TUBB8B: variants seen among roughly 807,000 people sequenced by gnomAD.
TUBB8B encodes HSA18p11 beta-tubulin 4Q pseudogene.
In TUBB8B, 26 loss-of-function variants were observed where a neutral mutation model predicts 31.9. The ratio of observed to expected loss-of-function variants is 0.81; its 90% CI spans 0.60 to 1.13. TUBB8B has a LOEUF of 1.13. TUBB8B is among the 50% of genes most tolerant of loss of function. The pLI is 0.00. For synonymous variants in TUBB8B, 173 were observed against 231.0 expected, an observed-to-expected ratio of 0.75 and a Z score of 2.28; for missense variants, 467 against 586.7, an observed-to-expected ratio of 0.80 and a Z score of 2.11.
chr18:70,529 C>T, the TUBB8B span, among the ~76,000 whole-genome samples: 588 of 151,952 alleles, frequency 3.9e-3, no homozygotes, highest in African/African-American at 0.014. Flanking sequence ...CCAGCTACTT[C>T]GGGGCTGAGG....
chr18:58,201 T>C, the TUBB8B span, among the ~76,000 whole-genome samples: 4 of 151,604 alleles, frequency 2.6e-5, no homozygotes, highest in African/African-American at 9.7e-5. Context: ...AAGTGATTGC[T>C]CCACAGGCTG....
the TUBB8B span, among the ~76,000 whole-genome samples, chr18:56,067 C>T: frequency 6.6e-6 from 1 of 151,738 alleles, no homozygotes; most frequent in Non-Finnish European, 1.5e-5. Flanking sequence ...CCAGTTTTCC[C>T]AGCCCTATTT....
the TUBB8B span, among the ~76,000 whole-genome samples, chr18:69,034 C>T: frequency 6.6e-6 from 1 of 152,182 alleles, no homozygotes; most frequent in African/African-American, 2.4e-5. Context: ...AAGAACAAAA[C>T]ATAATTATTT....
In TUBB8B at chr18:47,821, C is replaced by G. The variant is rs747790884; in HGVS notation, c.904G>C (p.Ala302Pro). The G allele has an allele frequency of 8.7e-6, 14 of 1,611,568 alleles. No individual in the cohort carries two copies. Among genetic ancestry groups the G allele is most frequent in the Admixed American group, 5.0e-5 (3 of 59,980 alleles). Residue 302 changes from alanine to proline, a missense_variant, in exon 4 of 4, where the codon GCC (alanine) becomes CCC (proline). Coordinates refer to ENST00000308911, the MANE Select transcript of TUBB8B (RefSeq NM_001358689.2). ...QMFDAKNMMAACDPRHGCYLT... is the reference protein window; with the variant it reads ...QMFDAKNMMAPCDPRHGCYLT... ...TAGCAGCCGTGACGGGGGTCACAGG[C>G]AGCCATCATGTTCTTAGCATCAAAC...
In TUBB8B at chr18:48,373, C is replaced by T; in HGVS notation, c.352G>A (p.Asp118Asn). The T allele has an allele frequency of 1.2e-6, 2 of 1,612,412 alleles. No homozygotes were observed. The highest frequency in any genetic ancestry group is 1.7e-6 in the Non-Finnish European group (2 of 1,178,610). Reference protein sequence around the residue: ...EGAELTESVMDVVRKEAESCD... With the variant: ...EGAELTESVMNVVRKEAESCD... Reference sequence around the variant, plus strand: ...CTCTCAGCCTCCTTTCTGACAACGTCCATCACTGACTCCGTCAGCTCCGCG... The same window carrying T: ...CTCTCAGCCTCCTTTCTGACAACGTTCATCACTGACTCCGTCAGCTCCGCG... The change falls in exon 4 of 4, where the codon GAC becomes AAC. Residue 118 changes from aspartate (D) to asparagine (N), a missense_variant. Physicochemically the swap from Asp to Asn is conservative, Grantham distance 23. Around this residue, in one of 2 missense-constraint regions of TUBB8B, gnomAD observed 259 missense variants for 380.1 expected, o/e 0.68. Coordinates refer to ENST00000308911, the MANE Select transcript of TUBB8B (RefSeq NM_001358689.2).
the TUBB8B span, among the ~76,000 whole-genome samples, chr18:59,836 A>G: frequency 1.3e-5 from 2 of 151,824 alleles, no homozygotes. Flanking sequence ...GAGCCACTGC[A>G]CCTGGCCCCT....
the TUBB8B span, among the ~76,000 whole-genome samples, chr18:58,064 A>G: frequency 7.2e-3 from 1,090 of 151,642 alleles, 7 homozygotes; most frequent in African/African-American, 0.025. Flanking sequence ...CTCTTCTTTT[A>G]GGCCTCAGGG....
At chr18:72,634 T>C in the TUBB8B span, among the ~76,000 whole-genome samples, 727 of 152,240 alleles carry the variant, frequency 4.8e-3, 9 homozygotes, top group African/African-American at 0.016. Flanking sequence ...TCCATTTTCC[T>C]GTGTTGTTTC....
chr18:57,500 C>T, the TUBB8B span, among the ~76,000 whole-genome samples: 8 of 151,938 alleles, frequency 5.3e-5, no homozygotes, highest in African/African-American at 1.2e-4. Flanking sequence ...TGCCTTGGGA[C>T]GTTTAGACCT....
Position 47,702 on chromosome 18 carries a change from A to C in TUBB8B, c.1023T>G (p.Phe341Leu). 2 of 1,611,864 alleles carry C rather than the reference A, an allele frequency of 1.2e-6. No individual in the cohort carries two copies. Among genetic ancestry groups the C allele is most frequent in the South Asian group, 1.1e-5 (1 of 90,986 alleles). Residue 341 changes from phenylalanine to leucine, a missense_variant, in exon 4 of 4, where the codon TTT (phenylalanine) becomes TTG (leucine). Physicochemically the swap from Phe to Leu is conservative, Grantham distance 22 (BLOSUM62 0). Transcript: ENST00000308911. ...FNIQDKNSSY[F>L]ADWFPDNVKT... Reference sequence around the variant, plus strand: ...TTACGTTGTCGGGGAACCAGTCAGCAAAGTAGCTGCTGTTCTTATCTTGAA... The same window carrying C: ...TTACGTTGTCGGGGAACCAGTCAGCCAAGTAGCTGCTGTTCTTATCTTGAA...
chr18:70,892 T>C, the TUBB8B span, among the ~76,000 whole-genome samples: 6 of 148,164 alleles, frequency 4.0e-5, no homozygotes, highest in African/African-American at 1.5e-4. Context: ...TGAGCCGAGA[T>C]CTCACCATTG....
At chr18:53,216 T>G (rs201526303), upstream of TUBB8B, among the ~76,000 whole-genome samples, 1 of 151,874 alleles carries the variant, frequency 6.6e-6, no homozygotes, top group Non-Finnish European at 1.5e-5. Context: ...ACTAGAAGCT[T>G]GATAACCATG....
chr18:55,502 C>G, the TUBB8B span, among the ~76,000 whole-genome samples: 3 of 151,768 alleles, frequency 2.0e-5, no homozygotes, highest in African/African-American at 7.3e-5. Flanking sequence ...GAAGCAGGCA[C>G]CTCTTCCATG....
chr18:56,044 T>C, the TUBB8B span, among the ~76,000 whole-genome samples: 2 of 151,946 alleles, frequency 1.3e-5, no homozygotes, highest in Non-Finnish European at 2.9e-5. Context: ...TTCATTCTTC[T>C]GCCTATGGCT....
chr18:54,448 C>A (rs549217584), upstream of TUBB8B, among the ~76,000 whole-genome samples: 17 of 151,702 alleles, frequency 1.1e-4, no homozygotes, highest in Admixed American at 9.8e-4. Flanking sequence ...ACCATAATCA[C>A]CCTGTTGTGC....
upstream of TUBB8B, among the ~76,000 whole-genome samples, chr18:54,044 C>T (rs1389940304): frequency 1.3e-5 from 2 of 151,618 alleles, no homozygotes. Context: ...CAGGGACTGA[C>T]TGACTGAGAG....
chr18:66,984 CTTGTTTTTT>C, the TUBB8B span, among the ~76,000 whole-genome samples: 5 of 141,834 alleles, frequency 3.5e-5, no homozygotes, highest in Middle Eastern at 7.1e-3. Flanking sequence ...AAGTTATTTT[CTTGTTTTTT>C]TTGTTTTTTT....
chr18:61,739 C>T, the TUBB8B span, among the ~76,000 whole-genome samples: 2 of 151,342 alleles, frequency 1.3e-5, no homozygotes, highest in African/African-American at 2.4e-5. Flanking sequence ...AAAAACTCTA[C>T]ACTTTAACTC....
At chr18:55,616 G>A in the TUBB8B span, among the ~76,000 whole-genome samples, 3 of 151,556 alleles carry the variant, frequency 2.0e-5, no homozygotes. Context: ...ACAGCCTGGG[G>A]GAAACCAACC....
Sources: allele counts gnomAD v4.1 joint callset (sites outside exome capture counted in the v4.1 genomes callset), GRCh38; gene constraint gnomAD v4.1.1; regional missense constraint gnomAD v4.1.1; transcripts MANE v1.5; gene names NCBI Gene and HGNC (gene_info 2026-07-23, HGNC 2026-07-21).